The following XKR7 variants were observed in gnomAD, a reference collection of about 807,000 sequenced individuals.
XKR7 encodes the protein XK-related protein 7.
A neutral mutation model predicts 42.2 loss-of-function variants in XKR7; 11 were observed. The observed-to-expected ratio is 0.26, with a 90% CI of 0.16 to 0.43. The LOEUF (loss-of-function observed/expected upper bound fraction) is 0.43, where lower values mean the gene tolerates loss of function less well. Among genes scored for constraint, XKR7 ranks in the 20% least tolerant of loss-of-function variants. The pLI is 1.00. For missense variants in XKR7, 710 were observed against 802.2 expected, an observed-to-expected ratio of 0.89 and a Z score of 1.39; for synonymous variants, 346 against 366.4, an observed-to-expected ratio of 0.94 and a Z score of 0.64.
chr20:31,984,582 G>A (rs13042211), intron 1 of XKR7, among the ~76,000 whole-genome samples: 10 of 152,212 alleles, frequency 6.6e-5, no homozygotes, highest in Non-Finnish European at 1.0e-4. Flanking sequence ...GAGGCCCATC[G>A]AGGAGCTGGG....
At chr20:31,992,340 G>A (rs1441202517) in intron 1 of XKR7, among the ~76,000 whole-genome samples, 1 of 152,158 alleles carries the variant, frequency 6.6e-6, no homozygotes, top group Non-Finnish European at 1.5e-5. Context: ...TTATGTGTGG[G>A]GTAAGCAGGA....
intron 1 of XKR7, among the ~76,000 whole-genome samples, chr20:31,986,149 C>G: frequency 6.7e-6 from 1 of 149,768 alleles, no homozygotes; most frequent in Non-Finnish European, 1.5e-5. Context: ...GACAGACAGA[C>G]AGACAGACCA....
chr20:31,969,241 T>C (rs981867901), intron 1 of XKR7, among the ~76,000 whole-genome samples: 5 of 152,204 alleles, frequency 3.3e-5, no homozygotes, highest in Non-Finnish European at 7.3e-5. Flanking sequence ...GTCACAGAAT[T>C]TGAGACAGCT....
chr20:31,975,674 A>C (rs2064481610), intron 1 of XKR7, among the ~76,000 whole-genome samples: 1 of 124,140 alleles, frequency 8.1e-6, no homozygotes, highest in African/African-American at 3.1e-5. Context: ...AATATAGAAA[A>C]GGCATAAAGA....
At chr20:31,979,956 G>C (rs369873926) in intron 1 of XKR7, among the ~76,000 whole-genome samples, 1 of 152,054 alleles carries the variant, frequency 6.6e-6, no homozygotes, top group Non-Finnish European at 1.5e-5. Flanking sequence ...TGAGGGATGT[G>C]GGAGGCCAGA....
chr20:31,991,910 G>C (rs1191631140), intron 1 of XKR7, among the ~76,000 whole-genome samples: 1 of 152,180 alleles, frequency 6.6e-6, no homozygotes, highest in Admixed American at 6.5e-5. Flanking sequence ...CTAAGGTCAG[G>C]AGTTTGAGAC....
rs2064589248 is a variant in XKR7, at chr20:31,995,917, T to A, written c.788-588T>A. Reference sequence around the variant, plus strand: ...CCCAACCTAGTCCCTGCCCAACCCATCCTCAGTGTCCCAAAAGACTATCAC... The same window carrying A: ...CCCAACCTAGTCCCTGCCCAACCCAACCTCAGTGTCCCAAAAGACTATCAC... On this transcript the variant is annotated intron_variant, in intron 2 of 2. Coordinates refer to ENST00000562532, the MANE Select transcript of XKR7 (RefSeq NM_001011718.2). The surrounding 1 kb of genome is among the most constrained non-coding windows in gnomAD (Gnocchi z 4.1). 6.6e-6 allele frequency among the ~76,000 whole-genome samples: 1 copy of A among 151,530 alleles called. No homozygotes were observed. The highest frequency in any genetic ancestry group is 2.1e-4 in the South Asian group (1 of 4,796).
rs1367799359 is a variant in XKR7 at position 31,996,638 on chromosome 20, G to A, written c.921G>A (p.Leu307=). ...CCGTGGCACAGGTGCTGTGGCACCT[G>A]TTCAGCATTGCCGCCCGCGGCCTGG... ...KGAVAQVLWH[L]FSIAARGLAF... Residue 307 remains leucine (L), a synonymous_variant, in exon 3 of 3, where the codon CTG becomes CTA. Transcript: ENST00000562532. The A allele has an allele frequency of 3.8e-6, 6 of 1,592,662 alleles. No homozygotes were observed. Among genetic ancestry groups the A allele is most frequent in the Non-Finnish European group, 1.7e-6 (2 of 1,168,264 alleles).
At chr20:31,982,412 C>T (rs1029021661) in intron 1 of XKR7, among the ~76,000 whole-genome samples, 1 of 151,516 alleles carries the variant, frequency 6.6e-6, no homozygotes, top group Non-Finnish European at 1.5e-5. Flanking sequence ...ATCCCAGCTA[C>T]TCGGGAGGCT....
intron 1 of XKR7, among the ~76,000 whole-genome samples, chr20:31,975,102 G>A (rs559680373): frequency 7.9e-5 from 12 of 152,242 alleles, no homozygotes; most frequent in East Asian, 1.9e-4. Context: ...CATCTGGGGC[G>A]CAGGTCCCTG....
intron 1 of XKR7, among the ~76,000 whole-genome samples, chr20:31,972,796 C>G (rs2122248668): frequency 6.6e-6 from 1 of 152,198 alleles, no homozygotes; most frequent in Non-Finnish European, 1.5e-5. Flanking sequence ...ATGCATAGGC[C>G]CAGACACTGC....
intron 1 of XKR7, among the ~76,000 whole-genome samples, chr20:31,984,825 C>T (rs2064530153): frequency 6.6e-6 from 1 of 152,234 alleles, no homozygotes; most frequent in Non-Finnish European, 1.5e-5. Flanking sequence ...TGTCCTTCCT[C>T]ATCCCTGCTC....
At chr20:31,991,036 G>T (rs2064568409) in intron 1 of XKR7, among the ~76,000 whole-genome samples, 1 of 152,154 alleles carries the variant, frequency 6.6e-6, no homozygotes, top group Non-Finnish European at 1.5e-5. Flanking sequence ...GCCCACTGTG[G>T]CCCTGGGCTG....
Position 31,996,527 on chromosome 20 carries a change from C to T in XKR7, c.810C>T (p.Leu270=), listed in dbSNP as rs2064592368. The T allele has an allele frequency of 2.0e-6, 3 of 1,493,678 alleles. No homozygotes were observed. Among genetic ancestry groups the T allele is most frequent in the Non-Finnish European group, 1.8e-6 (2 of 1,129,152 alleles). 92.5% of individuals were successfully genotyped at this position (1,493,678 alleles called of 1,614,324 possible). A position where few individuals can be genotyped will look rare whatever the true frequency, so the allele number is the denominator to read the frequency against. Residue 270 remains leucine, a synonymous_variant, in exon 3 of 3, where the codon CTC becomes CTT. Transcript: ENST00000562532. The part of the protein sequence containing the change: ...LLPALSTSAS[L]VSLAWTLASY... ...CAGCCCTCTCCACCTCCGCCTCCCT[C>T]GTGTCTCTGGCCTGGACGCTGGCCT...
intron 1 of XKR7, among the ~76,000 whole-genome samples, chr20:31,986,829 C>G (rs2064543701): frequency 6.7e-6 from 1 of 149,848 alleles, no homozygotes; most frequent in African/African-American, 2.5e-5. Context: ...GACCCAGCAT[C>G]CAAGACACAG....
rs936026209 is a variant in XKR7 at position 31,998,751 on chromosome 20, C to T, written c.*1294C>T. 2.0e-5 allele frequency: 3 copies of T among 152,022 alleles called. No individual in the cohort carries two copies. Among genetic ancestry groups the T allele is most frequent in the African/African-American group, 7.3e-5 (3 of 41,376 alleles). 9.4% of individuals were successfully genotyped at this position (152,022 alleles called of 1,614,324 possible). A position where few individuals can be genotyped will look rare whatever the true frequency, so the allele number is the denominator to read the frequency against. ...CTGGAAAAAAAAATAGCTCTGGGGA[C>T]GTGACATGAATCCTGGCTCTCAGCC... On this transcript the variant is annotated 3_prime_UTR_variant, in exon 3 of 3. Transcript: ENST00000562532.
Position 32,002,517 on chromosome 20 carries a change from T to G in XKR7, c.*5060T>G, listed in dbSNP as rs77452466. On this transcript the variant is annotated 3_prime_UTR_variant, in exon 3 of 3. Transcript: ENST00000562532. ...AACTTGGAGGAGCCTCATATAAACA[T>G]AGCCCCCAGCCCCACTGGCTTTCCG... 6.6e-6 allele frequency: 1 copy of G among 152,346 alleles called. No individual in the cohort carries two copies. The highest frequency in any genetic ancestry group is 2.4e-5 in the African/African-American group (1 of 41,558). 9.4% of individuals were successfully genotyped at this position (152,346 alleles called of 1,614,324 possible). A position where few individuals can be genotyped will look rare whatever the true frequency, so the allele number is the denominator to read the frequency against.
chr20:31,993,088 CCACA>C (rs374683030), intron 1 of XKR7, among the ~76,000 whole-genome samples: 47 of 147,378 alleles, frequency 3.2e-4, no homozygotes, highest in East Asian at 1.6e-3. Flanking sequence ...GGTTCCCCCT[CCACA>C]CACACACACA....
At chr20:31,989,379 A>G (rs909519542) in intron 1 of XKR7, among the ~76,000 whole-genome samples, 4 of 151,884 alleles carry the variant, frequency 2.6e-5, no homozygotes, top group African/African-American at 7.3e-5. Flanking sequence ...CTGCACGCCG[A>G]GGGGAGAAGC....
Sources: gnomAD v4.1 joint callset for allele counts (sites outside exome capture counted in the v4.1 genomes callset) on GRCh38, gnomAD v4.1.1 for gene constraint, Gnocchi (gnomAD v3.1) non-coding constraint, MANE v1.5 for transcripts, NCBI Gene and HGNC (gene_info 2026-07-23, HGNC 2026-07-21) for gene names.